Variants in ANKS1B observed in about 807,000 individuals in gnomAD.
ANKS1B encodes the protein ankyrin repeat and sterile alpha motif domain containing 1B.
ANKS1B carries 36 observed loss-of-function variants against 148.3 expected under a neutral mutation model. The ratio of observed to expected loss-of-function variants is 0.24; its 90% confidence interval spans 0.19 to 0.32. The LOEUF (loss-of-function observed/expected upper bound fraction) is 0.32. ANKS1B is among the 10% of genes least tolerant of loss of function. ANKS1B has a pLI of 1.00. For synonymous variants in ANKS1B, 542 were observed against 560.8 expected, an observed-to-expected ratio of 0.97 and a Z score of 0.47; for missense variants, 1,157 against 1,542.6, an observed-to-expected ratio of 0.75 and a Z score of 4.19.
At chr12:99,934,772 G>GA (rs1436180305) in intron 1 of ANKS1B, among the ~76,000 whole-genome samples, 4 of 151,922 alleles carry the variant, frequency 2.6e-5, no homozygotes, top group African/African-American at 9.6e-5. Context: ...ATACAAAAAA[G>GA]AAAAAAAGAC....
intron 14 of ANKS1B, among the ~76,000 whole-genome samples, chr12:99,238,689 C>T (rs1380974457): frequency 1.3e-5 from 2 of 152,140 alleles, no homozygotes; most frequent in Admixed American, 6.5e-5. Flanking sequence ...GGTGGGTGCT[C>T]CTCTGGGACA....
intron 8 of ANKS1B, among the ~76,000 whole-genome samples, chr12:99,754,724 T>G (rs2061410850): frequency 6.6e-6 from 1 of 152,138 alleles, no homozygotes; most frequent in Non-Finnish European, 1.5e-5. Flanking sequence ...ACATGCAAAC[T>G]GAATAACCTG....
At chr12:99,144,775 G>A (rs1278801869) in intron 15 of ANKS1B, among the ~76,000 whole-genome samples, 1 of 151,916 alleles carries the variant, frequency 6.6e-6, no homozygotes, top group Non-Finnish European at 1.5e-5. Context: ...AATATGACTG[G>A]TGCATATTCG....
intron 9 of ANKS1B, among the ~76,000 whole-genome samples, chr12:99,642,576 G>A (rs2098320927): frequency 6.6e-6 from 1 of 152,156 alleles, no homozygotes; most frequent in Admixed American, 6.5e-5. Context: ...AGCACTTTGG[G>A]AGGCCGAGGC....
chr12:99,239,533 C>T (rs895051237), intron 14 of ANKS1B, among the ~76,000 whole-genome samples: 10 of 152,136 alleles, frequency 6.6e-5, no homozygotes, highest in African/African-American at 2.2e-4. Context: ...TCTAGCAAGG[C>T]AGGCCAACAT....
chr12:99,783,961 G>A lies in ANKS1B; in HGVS notation c.670-1864C>T, dbSNP rs557985153. ...CCTATCATTATATACTATATTTCATGTATCAAAATATCACTCTGTACCCCT... is the reference window on the plus strand; with the variant it reads ...CCTATCATTATATACTATATTTCATATATCAAAATATCACTCTGTACCCCT... On this transcript the variant is annotated intron_variant, in intron 4 of 26. Coordinates refer to ENST00000683438, the MANE Select transcript of ANKS1B (RefSeq NM_001352186.2). Among the ~76,000 whole-genome samples the A allele has an allele frequency of 7.2e-5, 11 of 152,074 alleles. No homozygotes were observed. The South Asian group carries it at 2.3e-3, about 32-fold the overall frequency.
In ANKS1B at chr12:99,922,420, G is replaced by A. The variant is rs61941565; in HGVS notation, c.134+61684C>T. The stretch of plus-strand genomic sequence containing the variant: ...GCACTAAACACTTCTAACAAGAGTA[G>A]GAAAAAAAACATTTCAGGAAAAACG... On this transcript the variant is annotated intron_variant, in intron 1 of 26. Transcript: ENST00000683438. Among the ~76,000 whole-genome samples, 1,430 of 151,872 alleles carry A rather than the reference G, an allele frequency of 9.4e-3. 15 individuals are homozygous for A. Among genetic ancestry groups the A allele is most frequent in the Non-Finnish European group, 0.016 (1,084 of 67,922 alleles).
chr12:99,635,492 GC>G (rs1020398405), intron 9 of ANKS1B, among the ~76,000 whole-genome samples: 21 of 152,198 alleles, frequency 1.4e-4, no homozygotes, highest in East Asian at 5.8e-4. Flanking sequence ...AGTGAAATAA[GC>G]CAGTCACAAA....
intron 15 of ANKS1B, among the ~76,000 whole-genome samples, chr12:99,145,886 AT>A (rs2072895808): frequency 6.6e-6 from 1 of 152,000 alleles, no homozygotes; most frequent in Non-Finnish European, 1.5e-5. Flanking sequence ...TTTATTTCTA[AT>A]TGTGAGTATA....
intron 11 of ANKS1B, among the ~76,000 whole-genome samples, chr12:99,435,845 T>C (rs939656173): frequency 3.3e-5 from 5 of 151,986 alleles, no homozygotes; most frequent in African/African-American, 1.2e-4. Flanking sequence ...ACTGATTTAA[T>C]TGGTCAGGGG....
intron 14 of ANKS1B, among the ~76,000 whole-genome samples, chr12:99,233,763 G>C (rs534863811): frequency 6.6e-6 from 1 of 152,172 alleles, no homozygotes; most frequent in East Asian, 1.9e-4. Context: ...AGAAAATTGG[G>C]GTGGTAGGAA....
chr12:99,916,698 C>A (rs532174057), intron 1 of ANKS1B, among the ~76,000 whole-genome samples: 2 of 152,046 alleles, frequency 1.3e-5, no homozygotes, highest in African/African-American at 4.8e-5. Flanking sequence ...TTTGTGCCAC[C>A]CTCAGAATGC....
At chr12:99,088,311 CG>C (rs2153637196) in intron 15 of ANKS1B, among the ~76,000 whole-genome samples, 1 of 152,184 alleles carries the variant, frequency 6.6e-6, no homozygotes, top group African/African-American at 2.4e-5. Flanking sequence ...TGGATCATGG[CG>C]GGGCAAACTT....
intron 2 of ANKS1B, among the ~76,000 whole-genome samples, chr12:99,823,517 G>A (rs114520019): frequency 0.013 from 1,988 of 152,180 alleles, 49 homozygotes; most frequent in African/African-American, 0.045. Flanking sequence ...CATTGGTCAG[G>A]CTGGTCTCAA....
chr12:99,372,208 G>A (rs954292814), intron 12 of ANKS1B, among the ~76,000 whole-genome samples: 2 of 151,996 alleles, frequency 1.3e-5, no homozygotes, highest in African/African-American at 4.8e-5. Flanking sequence ...TCATGATGGG[G>A]GAGGCTGTGC....
At chr12:99,939,114 C>A (rs1309154013) in intron 1 of ANKS1B, among the ~76,000 whole-genome samples, 1 of 152,092 alleles carries the variant, frequency 6.6e-6, no homozygotes, top group African/African-American at 2.4e-5. Flanking sequence ...TCTTTTGAGA[C>A]AGGGTCTTGC....
At chr12:99,009,705 G>A (rs866183771) in intron 17 of ANKS1B, among the ~76,000 whole-genome samples, 33 of 152,198 alleles carry the variant, frequency 2.2e-4, no homozygotes, top group Middle Eastern at 3.4e-3. Context: ...TGTGAAATAA[G>A]TGAAGGGAAT....
At chr12:99,191,354 C>T (rs2153882495) in intron 14 of ANKS1B, among the ~76,000 whole-genome samples, 1 of 152,270 alleles carries the variant, frequency 6.6e-6, no homozygotes, top group African/African-American at 2.4e-5. Context: ...GGTACATACC[C>T]AAAGGAGTAT....
intron 14 of ANKS1B, among the ~76,000 whole-genome samples, chr12:99,186,250 T>C (rs922489602): frequency 3.5e-4 from 54 of 152,168 alleles, no homozygotes; most frequent in Admixed American, 3.5e-3. Context: ...CAGGGCCTTA[T>C]AGATAAAACT....
Sources: gnomAD v4.1 joint callset for allele counts (sites outside exome capture counted in the v4.1 genomes callset) on GRCh38, gnomAD v4.1.1 for gene constraint, MANE v1.5 for transcripts, NCBI Gene and HGNC (gene_info 2026-07-23, HGNC 2026-07-21) for gene names.